Variants in ZGRF1 observed in about 807,000 individuals in gnomAD.
The protein encoded by ZGRF1 is zinc finger GRF-type containing 1.
Under a neutral mutation model 203.5 loss-of-function variants are expected in ZGRF1, and 196 were observed. The observed-to-expected ratio is 0.96, with a 90% CI of 0.86 to 1.08. The LOEUF (loss-of-function observed/expected upper bound fraction) is 1.08. Ranked by LOEUF, ZGRF1 falls within the 50% of genes least tolerant of loss-of-function variation. ZGRF1 has a pLI of 0.00. For synonymous variants in ZGRF1, 809 were observed against 841.3 expected (o/e 0.96, Z 0.66); for missense variants, 2,326 against 2,416.3 (o/e 0.96, Z 0.78).
At chr4:112,571,814 C>A (rs541199131) in intron 16 of ZGRF1, among the ~76,000 whole-genome samples, 1 of 152,176 alleles carries the variant, frequency 6.6e-6, no homozygotes, top group South Asian at 2.1e-4. Flanking sequence ...AGTAAAGGAC[C>A]AAGAACAGCC....
chr4:112,582,277 C>G (rs968983185), intron 15 of ZGRF1, among the ~76,000 whole-genome samples: 7 of 146,008 alleles, frequency 4.8e-5, no homozygotes. Context: ...TATAATTTCC[C>G]TACTGTATTC....
intron 3 of ZGRF1, chr4:112,629,974 G>A: frequency 3.6e-6 from 1 of 277,214 alleles, no homozygotes. Flanking sequence ...AGCCAAGACT[G>A]TGCCACTGCA....
rs1162588730 is a variant in ZGRF1 at position 112,579,172 on chromosome 4, A to G, written c.4438+2491T>C. Among the ~76,000 whole-genome samples, 3 of 123,450 alleles carry G rather than the reference A, an allele frequency of 2.4e-5. 1 individual carries two copies. The highest frequency in any genetic ancestry group is 5.4e-5 in the Non-Finnish European group (3 of 55,220). The allele number at this position is 123,450 out of a possible 152,430, so 81.0% of individuals were successfully genotyped here. A position where few individuals can be genotyped will look rare whatever the true frequency, so the allele number is the denominator to read the frequency against. ...ATAAACAGAACCAACGACAAAAACC[A>G]CATGATTATCTCAATAGATGCAGAA... On this transcript the variant is annotated intron_variant, in intron 16 of 27. Transcript: ENST00000505019.
At position 112,619,497 on chromosome 4, in the gene ZGRF1, T is replaced by A. The variant is rs1332706566; in HGVS notation, c.545A>T (p.Tyr182Phe). The stretch of plus-strand genomic sequence containing the variant: ...CATGGCATTTCTCTCCCTGTTCTTG[T>A]AAGTCACAATGTTCTCAGGGTCTGC... ...ILADPENIVT[Y>F]KNRERNAMDF... The change falls in exon 6 of 28, where the codon TAC (tyrosine) becomes TTC (phenylalanine). Residue 182 changes from tyrosine to phenylalanine, a missense_variant. Coordinates refer to ENST00000505019, the MANE Select transcript of ZGRF1 (RefSeq NM_018392.5). 2.0e-5 allele frequency: 33 copies of A among 1,613,300 alleles called. No homozygotes were observed. The highest frequency in any genetic ancestry group is 2.6e-5 in the Non-Finnish European group (31 of 1,179,728).
rs113308652 is a variant in ZGRF1, at chr4:112,601,667, A to G, written c.2976+1857T>C. On this transcript the variant is annotated intron_variant, in intron 10 of 27. Transcript: ENST00000505019. Reference sequence around the variant, plus strand: ...GCAGGAGGATTGCTTGAGTCCAAGAAGTTGAGGCTGCAGTGAGCCATGTTC... The same window carrying G: ...GCAGGAGGATTGCTTGAGTCCAAGAGGTTGAGGCTGCAGTGAGCCATGTTC... 5.5e-3 allele frequency among the ~76,000 whole-genome samples: 830 copies of G among 151,482 alleles called. 9 individuals carry two copies. Among genetic ancestry groups the G allele is most frequent in the African/African-American group, 0.019 (791 of 41,276 alleles).
At position 112,539,911 on chromosome 4, in the gene ZGRF1, A is replaced by C; in HGVS notation, c.6124T>G (p.Cys2042Gly). Reference sequence around the variant, plus strand: ...CCCCAAAGTTGATTTTTCCTCAAACAGGCTAAATTTCCCACAATCAACAAA... The same window carrying C: ...CCCCAAAGTTGATTTTTCCTCAAACCGGCTAAATTTCCCACAATCAACAAA... ...RHLLIVGNLA[C>G]LRKNQLWGRV... Residue 2042 changes from cysteine to glycine, a missense_variant, in exon 27 of 28, where the codon TGT becomes GGT. By Grantham distance (159) the Cys-to-Gly change is radical. Transcript: ENST00000505019. 1 of 1,613,922 alleles carries C rather than the reference A, an allele frequency of 6.2e-7. No individual in the cohort carries two copies. Among genetic ancestry groups the C allele is most frequent in the East Asian group, 2.2e-5 (1 of 44,880 alleles).
intron 6 of ZGRF1, among the ~76,000 whole-genome samples, chr4:112,615,044 T>G (rs2046820746): frequency 6.6e-6 from 1 of 152,170 alleles, no homozygotes; most frequent in Non-Finnish European, 1.5e-5. Flanking sequence ...AGGTTACGTA[T>G]TCATAAATTA....
chr4:112,613,273 G>A (rs919538924), intron 6 of ZGRF1, among the ~76,000 whole-genome samples: 2 of 152,106 alleles, frequency 1.3e-5, no homozygotes, highest in African/African-American at 4.8e-5. Context: ...CAGCCTGGGT[G>A]AGAGTGAGAC....
chr4:112,614,473 T>C (rs919984335), intron 6 of ZGRF1, among the ~76,000 whole-genome samples: 1 of 152,226 alleles, frequency 6.6e-6, no homozygotes, highest in Admixed American at 6.5e-5. Flanking sequence ...ATCTTTTTCA[T>C]GGTTGCTTAG....
At chr4:112,627,891 G>A (rs1255875970) in intron 3 of ZGRF1, among the ~76,000 whole-genome samples, 1 of 152,028 alleles carries the variant, frequency 6.6e-6, no homozygotes, top group African/African-American at 2.4e-5. Context: ...CCCAATATGG[G>A]GCCTTCATTT....
intron 7 of ZGRF1, among the ~76,000 whole-genome samples, chr4:112,611,767 A>G (rs1298862757): frequency 1.3e-5 from 2 of 152,204 alleles, no homozygotes; most frequent in Non-Finnish European, 2.9e-5. Flanking sequence ...CTGTTTCTAC[A>G]TCAGATCTTG....
chr4:112,597,566 G>A lies in ZGRF1; in HGVS notation c.2976+5958C>T, dbSNP rs189820670. ...GTAATAGTAATAATAATTCTAGAGA[G>A]AGAAGGCACTGCTAAATTTAAATTA... On this transcript the variant is annotated intron_variant, in intron 10 of 27. Coordinates refer to ENST00000505019, the MANE Select transcript of ZGRF1 (RefSeq NM_018392.5). Among the ~76,000 whole-genome samples, 189 of 151,826 alleles carry A rather than the reference G, an allele frequency of 1.2e-3. 1 individual carries two copies. Among genetic ancestry groups the A allele is most frequent in the African/African-American group, 4.2e-3 (172 of 41,428 alleles).
chr4:112,612,482 A>G, intron 7 of ZGRF1, 42 bp downstream of exon 7: 1 of 1,258,946 alleles, frequency 7.9e-7, no homozygotes, highest in Non-Finnish European at 1.1e-6. Flanking sequence ...GAACATTCTT[A>G]TCAAAATAAA....
At chr4:112,540,752 A>G in intron 26 of ZGRF1, 69 bp downstream of exon 26, 1 of 1,272,330 alleles carries the variant, frequency 7.9e-7, no homozygotes, top group Non-Finnish European at 1.1e-6. Flanking sequence ...TATAAATGTA[A>G]TATCAAATAT....
At chr4:112,612,410 A>C (rs2046717915) in intron 7 of ZGRF1, 114 bp downstream of exon 7, 1 of 631,260 alleles carries the variant, frequency 1.6e-6, no homozygotes, top group African/African-American at 1.9e-5. Flanking sequence ...ACTGAGATAC[A>C]GCAGGAGTCA....
chr4:112,586,570 G>A lies in ZGRF1; in HGVS notation c.3791C>T (p.Ser1264Phe). ...SVKDLQEISG[S>F]ELCFPSGQKI... ...CTGCCCACTTGGAAAGCACAGCTCA[G>A]AGCCACTTATCTCCTGCAATGGAAT... The change falls in exon 13 of 28, where the codon TCT becomes TTT. Residue 1264 changes from serine to phenylalanine, a missense_variant. Ser to Phe is a radical substitution (Grantham distance 155, BLOSUM62 -2). Coordinates refer to ENST00000505019, the MANE Select transcript of ZGRF1 (RefSeq NM_018392.5). The A allele has an allele frequency of 6.2e-7, 1 of 1,608,604 alleles. No homozygotes were observed. The highest frequency in any genetic ancestry group is 8.5e-7 in the Non-Finnish European group (1 of 1,176,864).
rs2047471079 is a variant in ZGRF1 at position 112,633,227 on chromosome 4, C to G, written c.-51G>C. The stretch of plus-strand genomic sequence containing the variant: ...CTGGGTCCAGAAAATAGGAAATATT[C>G]AACTATTTATACCACCTAAAATTAA... On this transcript the variant is annotated 5_prime_UTR_variant, in exon 2 of 28. The change abolishes the stop of an existing upstream ORF in the 5' untranslated region. Coordinates refer to ENST00000505019, the MANE Select transcript of ZGRF1 (RefSeq NM_018392.5). The G allele has an allele frequency of 6.9e-7, 1 of 1,446,184 alleles. No individual in the cohort carries two copies. The highest frequency in any genetic ancestry group is 1.4e-5 in the African/African-American group (1 of 71,168). 89.6% of individuals were successfully genotyped at this position (1,446,184 alleles called of 1,614,324 possible).
intron 8 of ZGRF1, among the ~76,000 whole-genome samples, chr4:112,608,912 AATT>A (rs1751165470): frequency 6.6e-6 from 1 of 152,212 alleles, no homozygotes; most frequent in African/African-American, 2.4e-5. Flanking sequence ...TATTTAACCA[AATT>A]ATATTGATCA....
intron 17 of ZGRF1, 29 bp downstream of exon 17, chr4:112,563,102 T>G: frequency 5.3e-6 from 8 of 1,507,026 alleles, no homozygotes; most frequent in Non-Finnish European, 7.1e-6. Flanking sequence ...TTTTTAAATA[T>G]AAACTAAAAT....
Sources: gnomAD v4.1 joint callset for allele counts (sites outside exome capture counted in the v4.1 genomes callset) on GRCh38, gnomAD v4.1.1 for gene constraint, MANE v1.5 for transcripts, NCBI Gene and HGNC (gene_info 2026-07-23, HGNC 2026-07-21) for gene names.